VPS13A: variants seen among roughly 807,000 people sequenced by gnomAD.
VPS13A encodes vacuolar protein sorting 13 homolog A.
A neutral mutation model predicts 390.9 loss-of-function variants in VPS13A; 264 were observed. That is an observed-to-expected ratio of 0.68 (90% confidence interval 0.61 to 0.75). The LOEUF is 0.75. Among genes scored for constraint, VPS13A ranks in the 30% least tolerant of loss-of-function variants. VPS13A has a pLI of 0.00. For synonymous variants in VPS13A, 1,231 were observed against 1,227.1 expected, an observed-to-expected ratio of 1.00 and a Z score of -0.07; for missense variants, 3,409 against 3,733.9, an observed-to-expected ratio of 0.91 and a Z score of 2.27.
At chr9:77,404,631 C>A (rs1033048670) in intron 69 of VPS13A, among the ~76,000 whole-genome samples, 2 of 152,156 alleles carry the variant, frequency 1.3e-5, no homozygotes, top group Non-Finnish European at 2.9e-5. Flanking sequence ...TAAAAGTTAT[C>A]TTTTTTCTCA....
intron 31 of VPS13A, among the ~76,000 whole-genome samples, chr9:77,292,110 T>G (rs1416964795): frequency 6.6e-6 from 1 of 152,146 alleles, no homozygotes; most frequent in Non-Finnish European, 1.5e-5. Context: ...CTTTGGGCCT[T>G]TTCTGCAGTG....
Position 77,321,514 on chromosome 9 carries a change from A to G in VPS13A, c.5598A>G (p.Gly1866=), listed in dbSNP as rs1283548917. 1 of 1,613,440 alleles carries G rather than the reference A, an allele frequency of 6.2e-7. No individual in the cohort carries two copies. The highest frequency in any genetic ancestry group is 1.7e-5 in the Admixed American group (1 of 59,922). The change falls in exon 44 of 72, where the codon GGA becomes GGG. Residue 1866 remains glycine, a synonymous_variant. Transcript: ENST00000360280. ...LVKAFTEAAT[G]SSADFVKDLA... ...AGGCATTTACAGAAGCTGCCACTGG[A>G]TCTTCAGCTGACTTCGTAAAGGATC...
At chr9:77,277,801 T>C (rs1826774620) in intron 26 of VPS13A, among the ~76,000 whole-genome samples, 1 of 152,228 alleles carries the variant, frequency 6.6e-6, no homozygotes, top group African/African-American at 2.4e-5. Context: ...CACCACAGTT[T>C]ATTTATCCAT....
At chr9:77,338,419 A>G (rs1830647189) in intron 47 of VPS13A, 1 of 152,196 alleles carries the variant, frequency 6.6e-6, no homozygotes, top group Admixed American at 6.5e-5. Context: ...ATTGCATCCT[A>G]GCTCTGTCAT....
intron 14 of VPS13A, among the ~76,000 whole-genome samples, 184 bp downstream of exon 14, chr9:77,226,172 A>T (rs139176730): frequency 6.6e-6 from 1 of 152,116 alleles, no homozygotes; most frequent in Non-Finnish European, 1.5e-5. Context: ...ACAGATTTCT[A>T]TGGGAAAAAA....
chr9:77,363,537 G>A (rs1001163090), intron 59 of VPS13A, among the ~76,000 whole-genome samples: 2 of 151,550 alleles, frequency 1.3e-5, no homozygotes, highest in African/African-American at 2.4e-5. Context: ...CCTCCCTCCC[G>A]AGTAGCTGGG....
chr9:77,203,334 G>T (rs1221216551), intron 3 of VPS13A, among the ~76,000 whole-genome samples: 1 of 152,186 alleles, frequency 6.6e-6, no homozygotes, highest in East Asian at 1.9e-4. Flanking sequence ...TGTTGCCCAG[G>T]CTGGAGTACA....
intron 22 of VPS13A, among the ~76,000 whole-genome samples, chr9:77,255,373 G>A (rs1825381620): frequency 6.6e-6 from 1 of 151,820 alleles, no homozygotes; most frequent in South Asian, 2.1e-4. Context: ...TTTTATTCCA[G>A]GAATAAATCC....
chr9:77,290,103 A>G (rs1489149711), intron 31 of VPS13A, among the ~76,000 whole-genome samples: 1 of 152,120 alleles, frequency 6.6e-6, no homozygotes, highest in African/African-American at 2.4e-5. Context: ...TTTATAATGC[A>G]GGTCTGCCAG....
chr9:77,323,341 C>A, intron 45 of VPS13A, 114 bp downstream of exon 45: 1 of 1,263,956 alleles, frequency 7.9e-7, no homozygotes, highest in Non-Finnish European at 1.1e-6. Context: ...AACAGTAATA[C>A]AGCTGATATC....
At chr9:77,226,218 T>A (rs2131194542) in intron 14 of VPS13A, among the ~76,000 whole-genome samples, 1 of 152,286 alleles carries the variant, frequency 6.6e-6, no homozygotes, top group East Asian at 1.9e-4. Context: ...AATATTCAGT[T>A]ATGAAGGTAA....
At position 77,308,521 on chromosome 9, in the gene VPS13A, A is replaced by G. The variant is rs575387187; in HGVS notation, c.4114+423A>G. Among the ~76,000 whole-genome samples the G allele has an allele frequency of 4.3e-3, 659 of 152,222 alleles. 5 individuals carry two copies. Among genetic ancestry groups the G allele is most frequent in the African/African-American group, 7.7e-3 (319 of 41,538 alleles). ...TTTTATATTGATATTAGGAATATCAAAGTATTAGAGGTGCAAAGAGAGGAT... is the reference window on the plus strand; with the variant it reads ...TTTTATATTGATATTAGGAATATCAGAGTATTAGAGGTGCAAAGAGAGGAT... On this transcript the variant is annotated intron_variant, in intron 35 of 71. Coordinates refer to ENST00000360280, the MANE Select transcript of VPS13A (RefSeq NM_033305.3).
At chr9:77,381,884 GAAAT>G in intron 67 of VPS13A, 88 bp from the exon 68 acceptor site, 1 of 816,562 alleles carries the variant, frequency 1.2e-6, no homozygotes, top group Non-Finnish European at 2.0e-6. Context: ...TTTTTAATCT[GAAAT>G]AAGATTGTTT....
chr9:77,319,644 G>A lies in VPS13A; in HGVS notation c.5386G>A (p.Asp1796Asn). The part of the protein sequence containing the change: ...LEPLEIDQTE[D>N]FRPWNLGIKM... ...ACCCTTAGAAATTGATCAGACTGAGGATTTTAGACCATGGAATCTTGGTAT... is the reference window on the plus strand; with the variant it reads ...ACCCTTAGAAATTGATCAGACTGAGAATTTTAGACCATGGAATCTTGGTAT... Residue 1796 changes from aspartate (D) to asparagine (N), a missense_variant, in exon 42 of 72, where the codon GAT becomes AAT. Coordinates refer to ENST00000360280, the MANE Select transcript of VPS13A (RefSeq NM_033305.3). 1.9e-6 allele frequency: 3 copies of A among 1,608,902 alleles called. No homozygotes were observed. The highest frequency in any genetic ancestry group is 2.6e-6 in the Non-Finnish European group (3 of 1,176,042).
intron 71 of VPS13A, among the ~76,000 whole-genome samples, chr9:77,407,917 G>A (rs1320379244): frequency 2.0e-5 from 3 of 151,920 alleles, no homozygotes; most frequent in Non-Finnish European, 1.5e-5. Context: ...TTTTGTTTTA[G>A]TGTTAATCCA....
At chr9:77,249,786 G>T (rs1417935344) in intron 20 of VPS13A, among the ~76,000 whole-genome samples, 1 of 152,134 alleles carries the variant, frequency 6.6e-6, no homozygotes, top group Non-Finnish European at 1.5e-5. Context: ...TTTGTCTCTT[G>T]ATCTTGCTCT....
chr9:77,375,934 A>G (rs1833042034), intron 67 of VPS13A, among the ~76,000 whole-genome samples: 1 of 152,226 alleles, frequency 6.6e-6, no homozygotes, highest in African/African-American at 2.4e-5. Context: ...ACTGATAAAT[A>G]TATGATATGC....
chr9:77,379,346 T>A (rs1833304096), intron 67 of VPS13A, among the ~76,000 whole-genome samples: 2 of 152,080 alleles, frequency 1.3e-5, no homozygotes. Flanking sequence ...GTTCAAGCTA[T>A]TCTCCTGCCT....
At chr9:77,276,452 A>T (rs1299373219) in intron 26 of VPS13A, among the ~76,000 whole-genome samples, 1 of 152,206 alleles carries the variant, frequency 6.6e-6, no homozygotes. Context: ...TAATGGTTGA[A>T]TTTTAAATCT....
Sources: allele counts gnomAD v4.1 joint callset (sites outside exome capture counted in the v4.1 genomes callset), GRCh38; gene constraint gnomAD v4.1.1; transcripts MANE v1.5; gene names NCBI Gene and HGNC (gene_info 2026-07-23, HGNC 2026-07-21).